The following LRMDA variants were observed in gnomAD, a reference collection of about 807,000 sequenced individuals.
The protein encoded by LRMDA is leucine-rich melanocyte differentiation-associated protein.
LRMDA carries 18 observed loss-of-function variants against 29.8 expected under a neutral mutation model. The observed-to-expected ratio is 0.60, with a 90% confidence interval of 0.42 to 0.90. The LOEUF (loss-of-function observed/expected upper bound fraction) is 0.90, where lower values mean the gene tolerates loss of function less well. LRMDA is among the 40% of genes least tolerant of loss of function. LRMDA has a pLI of 0.00. For missense variants in LRMDA, 273 were observed against 273.9 expected (o/e 1.00, Z 0.02); for synonymous variants, 125 against 109.4 (o/e 1.14, Z -0.89).
chr10:75,773,909 A>G (rs1399192047), intron 2 of LRMDA, among the ~76,000 whole-genome samples: 1 of 152,136 alleles, frequency 6.6e-6, no homozygotes, highest in African/African-American at 2.4e-5. Context: ...TTATATTCAC[A>G]TCTTGTGTGT....
chr10:75,463,347 A>T (rs1844610845), intron 2 of LRMDA, among the ~76,000 whole-genome samples: 1 of 152,082 alleles, frequency 6.6e-6, no homozygotes, highest in Non-Finnish European at 1.5e-5. Flanking sequence ...GGGGATGCTG[A>T]CCTGCTGCTT....
intron 5 of LRMDA, among the ~76,000 whole-genome samples, chr10:76,274,539 A>G (rs896211434): frequency 6.6e-6 from 1 of 152,148 alleles, no homozygotes; most frequent in Non-Finnish European, 1.5e-5. Flanking sequence ...GATTTGGGTA[A>G]AACCCAAATG....
intron 6 of LRMDA, among the ~76,000 whole-genome samples, chr10:76,453,417 G>C (rs1842426432): frequency 6.6e-6 from 1 of 152,170 alleles, no homozygotes; most frequent in Non-Finnish European, 1.5e-5. Context: ...TGGGTTATAT[G>C]ACATACAGAG....
chr10:76,503,166 G>A (rs1415139928), intron 6 of LRMDA, among the ~76,000 whole-genome samples: 1 of 151,726 alleles, frequency 6.6e-6, no homozygotes, highest in Admixed American at 6.6e-5. Context: ...ATGGCTTTTG[G>A]TTTTAATTCT....
intron 2 of LRMDA, among the ~76,000 whole-genome samples, chr10:75,858,393 CT>C (rs1844863892): frequency 2.0e-5 from 3 of 152,320 alleles, no homozygotes; most frequent in Admixed American, 1.3e-4. Context: ...CTTCTTCCCC[CT>C]CTCCACTAAT....
intron 2 of LRMDA, among the ~76,000 whole-genome samples, chr10:75,514,570 A>G (rs1007928726): frequency 2.0e-5 from 3 of 152,114 alleles, no homozygotes; most frequent in African/African-American, 7.2e-5. Context: ...CTTGGGGTGG[A>G]TCCATCATGA....
intron 6 of LRMDA, among the ~76,000 whole-genome samples, chr10:76,533,757 A>C (rs564531724): frequency 6.6e-6 from 1 of 152,334 alleles, no homozygotes; most frequent in South Asian, 2.1e-4. Context: ...GATGGCTTGG[A>C]ACTACTCTAA....
chr10:75,926,707 A>T (rs747508225), intron 2 of LRMDA, among the ~76,000 whole-genome samples: 8 of 152,226 alleles, frequency 5.3e-5, no homozygotes. Context: ...GTGCTACCAC[A>T]CTCTAGCACC....
At chr10:76,491,119 A>G (rs1842830004) in intron 6 of LRMDA, among the ~76,000 whole-genome samples, 1 of 151,918 alleles carries the variant, frequency 6.6e-6, no homozygotes, top group Admixed American at 6.6e-5. Context: ...TGTATATTGT[A>G]TTATAATCTC....
chr10:75,821,799 A>AAACAAAC (rs775278965), intron 2 of LRMDA, among the ~76,000 whole-genome samples: 7 of 139,964 alleles, frequency 5.0e-5, no homozygotes, highest in South Asian at 4.8e-4. Flanking sequence ...AACAAACAAA[A>AAACAAAC]AAAACCCTTA....
At chr10:76,406,681 G>A (rs1425373508) in intron 6 of LRMDA, among the ~76,000 whole-genome samples, 1 of 152,106 alleles carries the variant, frequency 6.6e-6, no homozygotes, top group African/African-American at 2.4e-5. Context: ...ATTCAGGGTG[G>A]GTTGTCAGGT....
chr10:75,755,355 G>A (rs573247445), intron 2 of LRMDA, among the ~76,000 whole-genome samples: 1 of 152,160 alleles, frequency 6.6e-6, no homozygotes, highest in African/African-American at 2.4e-5. Flanking sequence ...GCAGGTGTTC[G>A]GCAAAGATTT....
chr10:76,256,568 A>G (rs1401372653), intron 5 of LRMDA, among the ~76,000 whole-genome samples: 1 of 152,208 alleles, frequency 6.6e-6, no homozygotes, highest in Non-Finnish European at 1.5e-5. Context: ...AAAACCAACT[A>G]AAATTTTGTG....
chr10:75,970,644 G>A (rs1044053798), intron 2 of LRMDA, among the ~76,000 whole-genome samples: 3 of 152,180 alleles, frequency 2.0e-5, no homozygotes, highest in Non-Finnish European at 4.4e-5. Flanking sequence ...GTACCCCTGG[G>A]GACCAAAAGT....
chr10:75,875,758 A>G (rs939711165), intron 2 of LRMDA, among the ~76,000 whole-genome samples: 1 of 152,232 alleles, frequency 6.6e-6, no homozygotes, highest in African/African-American at 2.4e-5. Context: ...AGAAAGAGAA[A>G]GGTCTAATTG....
intron 2 of LRMDA, among the ~76,000 whole-genome samples, chr10:75,765,441 T>A (rs1416416617): frequency 6.6e-6 from 1 of 152,156 alleles, no homozygotes; most frequent in African/African-American, 2.4e-5. Context: ...TTAATATTTC[T>A]CTCCCCAGCC....
At chr10:75,601,301 T>C (rs7081382) in intron 2 of LRMDA, 20,998 of 152,236 alleles carry the variant, frequency 0.14, 4,595 homozygotes, top group African/African-American at 0.46. Flanking sequence ...GGGACTTCTT[T>C]GGCCTGGGAA....
At chr10:75,541,791 A>G (rs1438714631) in intron 2 of LRMDA, among the ~76,000 whole-genome samples, 3 of 152,082 alleles carry the variant, frequency 2.0e-5, no homozygotes, top group African/African-American at 7.2e-5. Context: ...CAGGGTGCAG[A>G]CTTGCTTTTG....
intron 2 of LRMDA, among the ~76,000 whole-genome samples, chr10:76,018,203 C>T (rs1404445804): frequency 6.6e-6 from 1 of 152,186 alleles, no homozygotes; most frequent in Admixed American, 6.5e-5. Context: ...GGTTTCTTAA[C>T]CTTGACACCA....
Sources: gnomAD v4.1 joint callset for allele counts (sites outside exome capture counted in the v4.1 genomes callset) on GRCh38, gnomAD v4.1.1 for gene constraint, MANE v1.5 for transcripts, NCBI Gene and HGNC (gene_info 2026-07-23, HGNC 2026-07-21) for gene names.